The following STAM variants were observed in gnomAD, a reference collection of about 807,000 sequenced individuals.
STAM encodes signal transducing adapter molecule 1.
STAM carries 16 observed loss-of-function variants against 63.4 expected under a neutral mutation model. The ratio of observed to expected loss-of-function variants is 0.25; its 90% confidence interval spans 0.17 to 0.38. STAM has a LOEUF of 0.38. STAM is among the 10% of genes least tolerant of loss of function. The pLI, the probability that STAM is intolerant of heterozygous loss-of-function variation, is 1.00. For synonymous variants in STAM, 238 were observed against 223.9 expected (o/e 1.06, Z -0.56); for missense variants, 636 against 657.1 (o/e 0.97, Z 0.35).
rs1836824737 is a variant in STAM, at chr10:17,716,579, T to A, written c.*1799T>A. Among the ~76,000 whole-genome samples the A allele has an allele frequency of 6.6e-6, 1 of 152,206 alleles. No homozygotes were observed. Among genetic ancestry groups the A allele is most frequent in the Admixed American group, 6.5e-5 (1 of 15,286 alleles). ...GTATTATGGTTTAACTGATATACTT[T>A]TCTGCAATTTTTCTTTGTCTTTTGA... On this transcript the variant is annotated 3_prime_UTR_variant, in exon 14 of 14. Coordinates refer to ENST00000377524, the MANE Select transcript of STAM (RefSeq NM_003473.4).
At chr10:17,659,033 G>A (rs1834055787) in intron 1 of STAM, among the ~76,000 whole-genome samples, 2 of 151,238 alleles carry the variant, frequency 1.3e-5, no homozygotes, top group Admixed American at 6.6e-5. Context: ...CTCTTTTTTT[G>A]GCTTTTGTGA....
chr10:17,676,274 G>C (rs981501026), intron 2 of STAM, among the ~76,000 whole-genome samples: 1 of 152,178 alleles, frequency 6.6e-6, no homozygotes, highest in Non-Finnish European at 1.5e-5. Flanking sequence ...GAATGGTTGA[G>C]AGTGGTATAA....
intron 13 of STAM, among the ~76,000 whole-genome samples, chr10:17,711,761 C>T (rs1836564636): frequency 6.6e-6 from 1 of 152,144 alleles, no homozygotes; most frequent in Non-Finnish European, 1.5e-5. Context: ...CAGCGAGAGA[C>T]ATACTTGAAG....
At chr10:17,646,325 C>G (rs911055106) in intron 1 of STAM, among the ~76,000 whole-genome samples, 9 of 152,280 alleles carry the variant, frequency 5.9e-5, no homozygotes, top group Non-Finnish European at 1.2e-4. Flanking sequence ...AGCCCCCACT[C>G]ATGATTTTAG....
chr10:17,652,868 A>G (rs1554821698), intron 1 of STAM, among the ~76,000 whole-genome samples: 1 of 152,162 alleles, frequency 6.6e-6, no homozygotes, highest in African/African-American at 2.4e-5. Flanking sequence ...GAGCACTTCC[A>G]CTTGGGTTTG....
intron 6 of STAM, among the ~76,000 whole-genome samples, chr10:17,693,918 A>G (rs1057093429): frequency 6.6e-6 from 1 of 152,318 alleles, no homozygotes; most frequent in South Asian, 2.1e-4. Flanking sequence ...TTGGCAGTGT[A>G]TGAAAGCTAT....
intron 2 of STAM, among the ~76,000 whole-genome samples, chr10:17,664,923 A>G (rs1302127092): frequency 6.6e-6 from 1 of 152,198 alleles, no homozygotes; most frequent in Admixed American, 6.5e-5. Context: ...TATTTTTTAA[A>G]TCAAAATGAT....
intron 7 of STAM, 40 bp downstream of exon 7, chr10:17,695,281 G>A (rs1554827355): frequency 9.6e-6 from 15 of 1,568,210 alleles, no homozygotes; most frequent in Non-Finnish European, 1.2e-5. Context: ...ATGAAAGTGT[G>A]TATGGCTTCT....
chr10:17,673,157 T>C (rs543788167), intron 2 of STAM: 14 of 453,182 alleles, frequency 3.1e-5, no homozygotes, highest in African/African-American at 3.0e-4. Context: ...TACAAAATAT[T>C]TTGTGTTTAT....
intron 1 of STAM, among the ~76,000 whole-genome samples, chr10:17,645,533 GGAA>G (rs1564522364): frequency 6.6e-6 from 1 of 152,008 alleles, no homozygotes; most frequent in Non-Finnish European, 1.5e-5. Flanking sequence ...TTTAAAGAGG[GGAA>G]AACACATCAT....
intron 2 of STAM, among the ~76,000 whole-genome samples, chr10:17,662,839 C>G (rs1554823028): frequency 1.3e-5 from 2 of 152,168 alleles, no homozygotes; most frequent in African/African-American, 4.8e-5. Flanking sequence ...GCAACTCTGC[C>G]TGCTTTTGAT....
At chr10:17,649,605 A>C (rs1367692495) in intron 1 of STAM, among the ~76,000 whole-genome samples, 1 of 152,162 alleles carries the variant, frequency 6.6e-6, no homozygotes, top group Non-Finnish European at 1.5e-5. Context: ...AAAGCACTCA[A>C]GAATTATTTA....
intron 12 of STAM, among the ~76,000 whole-genome samples, chr10:17,707,989 C>A (rs1836374111): frequency 6.6e-6 from 1 of 151,918 alleles, no homozygotes. Context: ...CTCCTGGGTT[C>A]AGGCCATTCT....
At chr10:17,701,528 A>G (rs1835996109) in intron 9 of STAM, among the ~76,000 whole-genome samples, 1 of 152,226 alleles carries the variant, frequency 6.6e-6, no homozygotes, top group Non-Finnish European at 1.5e-5. Flanking sequence ...GCAGTGGAAG[A>G]ATTGAGTAGT....
intron 12 of STAM, 113 bp downstream of exon 12, chr10:17,705,854 G>C (rs1836240221): frequency 1.0e-6 from 1 of 966,334 alleles, no homozygotes; most frequent in Non-Finnish European, 1.5e-6. Flanking sequence ...GATTGCTTGA[G>C]ACCAGGAGTT....
intron 2 of STAM, 62 bp from the exon 3 acceptor site, chr10:17,684,611 AGT>A: frequency 2.3e-6 from 3 of 1,325,780 alleles, no homozygotes; most frequent in Non-Finnish European, 2.1e-6. Context: ...TGTCTATAAC[AGT>A]TAAGGGGCAG....
At chr10:17,710,092 A>G (rs1344003720) in intron 13 of STAM, among the ~76,000 whole-genome samples, 1 of 151,772 alleles carries the variant, frequency 6.6e-6, no homozygotes, top group Admixed American at 6.6e-5. Context: ...ATTGTTGAGA[A>G]GACACTAGGG....
intron 2 of STAM, among the ~76,000 whole-genome samples, chr10:17,674,868 T>G (rs1834780557): frequency 6.6e-6 from 1 of 152,286 alleles, no homozygotes. Flanking sequence ...AAAAATACCA[T>G]TAGGAAAAAA....
At position 17,715,037 on chromosome 10, in the gene STAM, G is replaced by T; in HGVS notation, c.*257G>T. 2.2e-6 allele frequency: 1 copy of T among 459,428 alleles called. No individual in the cohort carries two copies. Among genetic ancestry groups the T allele is most frequent in the Non-Finnish European group, 4.0e-6 (1 of 249,812 alleles). The allele number at this position is 459,428 out of a possible 1,614,324, so 28.5% of individuals were successfully genotyped here. A position where few individuals can be genotyped will look rare whatever the true frequency, so the allele number is the denominator to read the frequency against. ...CATAATATGAAAGAATTGATACAAG[G>T]CTATTTGTCTCGTAAACCTGGTCTG... On this transcript the variant is annotated 3_prime_UTR_variant, in exon 14 of 14. Transcript: ENST00000377524.
Sources: allele counts gnomAD v4.1 joint callset (sites outside exome capture counted in the v4.1 genomes callset), GRCh38; gene constraint gnomAD v4.1.1; transcripts MANE v1.5; gene names NCBI Gene and HGNC (gene_info 2026-07-23, HGNC 2026-07-21).